The following LRRC4C variants were observed in gnomAD, a reference collection of about 807,000 sequenced individuals.
LRRC4C encodes the protein leucine-rich repeat-containing protein 4C.
Under a neutral mutation model 33.6 loss-of-function variants are expected in LRRC4C, and 5 were observed. The observed-to-expected ratio is 0.15, with a 90% CI of 0.08 to 0.31. LRRC4C has a LOEUF of 0.31. Among genes scored for constraint, LRRC4C ranks in the 10% least tolerant of loss-of-function variants. The pLI is 1.00. For synonymous variants in LRRC4C, 329 were observed against 302.0 expected (o/e 1.09, Z -0.93); for missense variants, 560 against 796.7 (o/e 0.70, Z 3.58).
chr11:40,524,748 C>G (rs11035891), intron 3 of LRRC4C, among the ~76,000 whole-genome samples: 13,370 of 152,168 alleles, frequency 0.088, 1,665 homozygotes, highest in African/African-American at 0.28. Context: ...TCTTTATTTG[C>G]ACCTTACTAT....
chr11:41,338,150 A>G (rs569324019), intron 1 of LRRC4C, among the ~76,000 whole-genome samples: 30 of 152,334 alleles, frequency 2.0e-4, no homozygotes, highest in Non-Finnish European at 2.4e-4. Context: ...TAGGAGCTAG[A>G]ACCAGAAATA....
At chr11:41,174,489 A>C (rs1565450787) in intron 1 of LRRC4C, among the ~76,000 whole-genome samples, 3 of 152,092 alleles carry the variant, frequency 2.0e-5, no homozygotes, top group Non-Finnish European at 4.4e-5. Flanking sequence ...ATAAATAAAA[A>C]TATAAGTCAT....
intron 3 of LRRC4C, among the ~76,000 whole-genome samples, chr11:40,577,457 C>T (rs1214360125): frequency 6.6e-6 from 1 of 152,204 alleles, no homozygotes; most frequent in Non-Finnish European, 1.5e-5. Context: ...AGGACTTTCT[C>T]AGGCAAACTT....
chr11:40,175,339 TAACTC>T (rs1860386123), intron 5 of LRRC4C, among the ~76,000 whole-genome samples: 1 of 152,222 alleles, frequency 6.6e-6, no homozygotes, highest in Admixed American at 6.5e-5. Context: ...TTTGCTGCCT[TAACTC>T]AACATCCAGG....
intron 2 of LRRC4C, among the ~76,000 whole-genome samples, chr11:40,825,062 C>T (rs946461224): frequency 6.6e-6 from 1 of 151,850 alleles, no homozygotes; most frequent in Non-Finnish European, 1.5e-5. Context: ...TGTGTAGGTG[C>T]TTCCACTTAC....
intron 2 of LRRC4C, among the ~76,000 whole-genome samples, chr11:40,889,750 T>A (rs955975201): frequency 6.6e-6 from 1 of 152,148 alleles, no homozygotes; most frequent in African/African-American, 2.4e-5. Context: ...TGTGACTTGA[T>A]ATCGTCACAT....
At chr11:40,680,594 A>C (rs144412402) in intron 2 of LRRC4C, among the ~76,000 whole-genome samples, 1 of 152,182 alleles carries the variant, frequency 6.6e-6, no homozygotes, top group Admixed American at 6.5e-5. Flanking sequence ...TGTTAAAAGC[A>C]TGAGTTTCTC....
At chr11:40,957,543 T>G (rs533690300) in intron 1 of LRRC4C, among the ~76,000 whole-genome samples, 1 of 151,916 alleles carries the variant, frequency 6.6e-6, no homozygotes, top group African/African-American at 2.4e-5. Context: ...AGATCTGTTC[T>G]CTCATCCTGT....
At chr11:40,171,755 C>T (rs987314733) in intron 5 of LRRC4C, among the ~76,000 whole-genome samples, 1 of 152,076 alleles carries the variant, frequency 6.6e-6, no homozygotes, top group Non-Finnish European at 1.5e-5. Flanking sequence ...GGTTGCTATT[C>T]GTTATAGTAT....
intron 2 of LRRC4C, among the ~76,000 whole-genome samples, chr11:40,822,415 T>A (rs915592252): frequency 1.3e-5 from 2 of 151,724 alleles, no homozygotes; most frequent in African/African-American, 4.8e-5. Context: ...ATTCATTCAC[T>A]GATGGACACT....
chr11:40,832,622 G>C (rs1952469960), intron 2 of LRRC4C, among the ~76,000 whole-genome samples: 1 of 152,104 alleles, frequency 6.6e-6, no homozygotes, highest in Non-Finnish European at 1.5e-5. Flanking sequence ...AAAAGCCGCG[G>C]TGGGAATCTA....
intron 1 of LRRC4C, among the ~76,000 whole-genome samples, chr11:41,239,564 T>C (rs1948168204): frequency 6.6e-6 from 1 of 152,100 alleles, no homozygotes; most frequent in Non-Finnish European, 1.5e-5. Context: ...GCAGGTCTCT[T>C]TTGCCTCCCT....
rs1345201831 is a variant in LRRC4C, at chr11:41,212,514, G to A, written c.-496+246917C>T. On this transcript the variant is annotated intron_variant, in intron 1 of 6. Coordinates refer to ENST00000528697, the MANE Select transcript of LRRC4C (RefSeq NM_001258419.2). ...ATGTGCCATGGTGGTTTGCTGCACA[G>A]ATCAATCCATCGCTTAGGTATTAAG... 2.6e-5 allele frequency among the ~76,000 whole-genome samples: 4 copies of A among 152,210 alleles called. No homozygotes were observed. In the East Asian group the frequency reaches 5.8e-4, roughly 22 times the overall value.
intron 1 of LRRC4C, among the ~76,000 whole-genome samples, chr11:41,351,623 C>T (rs1047871567): frequency 1.3e-5 from 2 of 152,056 alleles, no homozygotes; most frequent in Non-Finnish European, 2.9e-5. Context: ...AAAGGGAACC[C>T]CATCAGGCTA....
intron 3 of LRRC4C, among the ~76,000 whole-genome samples, chr11:40,376,295 A>G (rs1045559851): frequency 6.6e-6 from 1 of 152,182 alleles, no homozygotes; most frequent in East Asian, 1.9e-4. Context: ...CCTCAAGCAC[A>G]TAACTTCTAA....
intron 3 of LRRC4C, among the ~76,000 whole-genome samples, chr11:40,591,152 C>T (rs534497084): frequency 3.0e-4 from 45 of 152,230 alleles, no homozygotes; most frequent in African/African-American, 8.7e-4. Flanking sequence ...TACGACCCTC[C>T]GAGCCAGGTA....
chr11:40,322,471 C>A (rs1283312868), intron 3 of LRRC4C, among the ~76,000 whole-genome samples: 2 of 152,120 alleles, frequency 1.3e-5, no homozygotes, highest in African/African-American at 4.8e-5. Flanking sequence ...GTCTCAAACT[C>A]CTGACCTCAG....
intron 1 of LRRC4C, among the ~76,000 whole-genome samples, chr11:41,109,626 C>T (rs1322811850): frequency 6.6e-6 from 1 of 152,016 alleles, no homozygotes; most frequent in Non-Finnish European, 1.5e-5. Context: ...TAATTAAAAA[C>T]AATATCTAAA....
At chr11:40,279,940 C>T (rs1303356266) in intron 4 of LRRC4C, among the ~76,000 whole-genome samples, 1 of 152,112 alleles carries the variant, frequency 6.6e-6, no homozygotes, top group Non-Finnish European at 1.5e-5. Flanking sequence ...GTAAAGTGTT[C>T]CTTTTTATCT....
Sources: gnomAD v4.1 joint callset for allele counts (sites outside exome capture counted in the v4.1 genomes callset) on GRCh38, gnomAD v4.1.1 for gene constraint, MANE v1.5 for transcripts, NCBI Gene and HGNC (gene_info 2026-07-23, HGNC 2026-07-21) for gene names.